Variants in EIF2B3 observed in about 807,000 individuals in gnomAD.
EIF2B3 encodes eukaryotic translation initiation factor 2B subunit gamma.
A neutral mutation model predicts 54.1 loss-of-function variants in EIF2B3; 20 were observed. The observed-to-expected ratio is 0.37, with a 90% CI of 0.26 to 0.54. EIF2B3 has a LOEUF of 0.54. Ranked by LOEUF, EIF2B3 falls within the 20% of genes least tolerant of loss-of-function variation. The pLI, the probability that EIF2B3 is intolerant of heterozygous loss-of-function variation, is 0.86. For synonymous variants in EIF2B3, 153 were observed against 188.1 expected (o/e 0.81, Z 1.52); for missense variants, 448 against 547.8 (o/e 0.82, Z 1.82).
chr1:44,879,881 G>A lies in EIF2B3; in HGVS notation c.912C>T (p.Ile304=). Residue 304 remains isoleucine (I), a synonymous_variant, in exon 8 of 12, where the codon ATC becomes ATT. Transcript: ENST00000360403. ...SRSQVRCYVH[I]MKEGLCSRVS... is the part of the protein sequence containing the mutation. The stretch of plus-strand genomic sequence containing the variant: ...CTCGAGAGCAGAGCCCCTCTTTCAT[G>A]ATGTGGACATAGCAGCGCACCTGTG... 6.2e-7 allele frequency: 1 copy of A among 1,614,180 alleles called. No homozygotes were observed. Among genetic ancestry groups the A allele is most frequent in the Non-Finnish European group, 8.5e-7 (1 of 1,180,052 alleles).
chr1:44,939,163 A>C (rs1051749634), intron 4 of EIF2B3, among the ~76,000 whole-genome samples: 1 of 151,764 alleles, frequency 6.6e-6, no homozygotes, highest in African/African-American at 2.4e-5. Flanking sequence ...TAAAACATTA[A>C]TCTAATCTAA....
chr1:44,925,172 T>A (rs1164087369), intron 5 of EIF2B3: 1 of 152,158 alleles, frequency 6.6e-6, no homozygotes, highest in Non-Finnish European at 1.5e-5. Context: ...GATCCAGTAA[T>A]CCCACTTCTA....
chr1:44,942,597 T>C (rs74319041), intron 3 of EIF2B3, among the ~76,000 whole-genome samples: 10,783 of 147,074 alleles, frequency 0.073, 659 homozygotes, highest in Admixed American at 0.19. Flanking sequence ...TTGGCTAATT[T>C]TTACATTTTT....
At chr1:44,960,391 G>C (rs1644271510) in intron 3 of EIF2B3, among the ~76,000 whole-genome samples, 1 of 152,160 alleles carries the variant, frequency 6.6e-6, no homozygotes, top group African/African-American at 2.4e-5. Context: ...TGTAATCCCA[G>C]CACTTTGGGA....
Position 44,876,313 on chromosome 1 carries a change from C to T in EIF2B3, c.976-618G>A, listed in dbSNP as rs373497844. ...CTAGGAAGTGAGGAGCGTCTCTGCC[C>T]GGCCGCCCATAGTCTGGGATGTGGG... On this transcript the variant is annotated intron_variant, in intron 8 of 11. Coordinates refer to ENST00000360403, the MANE Select transcript of EIF2B3 (RefSeq NM_020365.5). Among the ~76,000 whole-genome samples the T allele has an allele frequency of 4.5e-4, 67 of 149,530 alleles. 1 individual carries two copies. In the East Asian group the frequency reaches 0.012, roughly 26 times the overall value.
At chr1:44,985,894 CTG>C (rs1385186536) in intron 1 of EIF2B3, among the ~76,000 whole-genome samples, 2 of 152,170 alleles carry the variant, frequency 1.3e-5, no homozygotes, top group Non-Finnish European at 2.9e-5. Flanking sequence ...GATAAGAAAA[CTG>C]TATCAGAATT....
chr1:44,926,226 TC>T (rs1643847639), intron 5 of EIF2B3, among the ~76,000 whole-genome samples: 2 of 151,964 alleles, frequency 1.3e-5, no homozygotes, highest in Admixed American at 6.6e-5. Context: ...AGACTCAGTC[TC>T]AAAAAACTTA....
chr1:44,941,422 A>G, intron 4 of EIF2B3, 84 bp downstream of exon 4: 1 of 1,470,240 alleles, frequency 6.8e-7, no homozygotes, highest in Admixed American at 2.2e-5. Context: ...GTAGATTCTT[A>G]ATAAATGTTT....
chr1:44,862,141 T>A (rs1478152923), intron 10 of EIF2B3, among the ~76,000 whole-genome samples: 1 of 152,190 alleles, frequency 6.6e-6, no homozygotes, highest in African/African-American at 2.4e-5. Context: ...GTTCCTATAG[T>A]CCAACAAAAG....
intron 3 of EIF2B3, among the ~76,000 whole-genome samples, chr1:44,965,733 G>A (rs1012657849): frequency 4.1e-5 from 6 of 145,104 alleles, no homozygotes; most frequent in African/African-American, 1.0e-4. Flanking sequence ...TCTGCCTCCC[G>A]GGTTCAAGCG....
chr1:44,956,488 T>TA (rs11430877), intron 3 of EIF2B3, among the ~76,000 whole-genome samples: 38,064 of 150,522 alleles, frequency 0.25, 6,005 homozygotes, highest in African/African-American at 0.46. Context: ...ACTTAAAGTA[T>TA]AAAAAAAAAT....
rs72885214 is a variant in EIF2B3 at position 44,883,771 on chromosome 1, G to A, written c.657-2032C>T. 7.2e-3 allele frequency among the ~76,000 whole-genome samples: 1,103 copies of A among 152,146 alleles called. 15 individuals are homozygous for A. The highest frequency in any genetic ancestry group is 0.025 in the African/African-American group (1,053 of 41,494). On this transcript the variant is annotated intron_variant, in intron 6 of 11. Transcript: ENST00000360403. ...CATCTTGATAAATCGTCTCTATCTC[G>A]GCAGCAGGTAAGATGAACCCACTGA... is the stretch of plus-strand genomic sequence containing the variant.
At chr1:44,969,593 A>C (rs542308657) in intron 3 of EIF2B3, among the ~76,000 whole-genome samples, 15 of 152,126 alleles carry the variant, frequency 9.9e-5, no homozygotes, top group Non-Finnish European at 1.9e-4. Flanking sequence ...TTACAGATAA[A>C]ATTATATGTC....
chr1:44,878,240 T>C (rs1321588998), intron 8 of EIF2B3, among the ~76,000 whole-genome samples: 1 of 152,140 alleles, frequency 6.6e-6, no homozygotes, highest in Non-Finnish European at 1.5e-5. Context: ...TGAGCCAGGT[T>C]TTCTTCAGGA....
chr1:44,924,790 G>C (rs369916646), intron 5 of EIF2B3, among the ~76,000 whole-genome samples: 1 of 152,086 alleles, frequency 6.6e-6, no homozygotes, highest in East Asian at 1.9e-4. Flanking sequence ...TGGTTATACA[G>C]TTGCATAGTT....
intron 6 of EIF2B3, among the ~76,000 whole-genome samples, chr1:44,895,699 G>C (rs887364706): frequency 6.6e-6 from 1 of 152,050 alleles, no homozygotes; most frequent in Non-Finnish European, 1.5e-5. Flanking sequence ...AAACAATTTA[G>C]GGTAATGGGG....
At chr1:44,855,613 G>A (rs1654409822) in intron 11 of EIF2B3, among the ~76,000 whole-genome samples, 1 of 151,020 alleles carries the variant, frequency 6.6e-6, no homozygotes, top group African/African-American at 2.4e-5. Flanking sequence ...CTGGAGTGTA[G>A]TGGTGCAGTC....
intron 4 of EIF2B3, among the ~76,000 whole-genome samples, chr1:44,941,050 C>G (rs1489672501): frequency 6.6e-6 from 1 of 151,890 alleles, no homozygotes; most frequent in Non-Finnish European, 1.5e-5. Context: ...CCACGCCCAG[C>G]TAATTTTTGT....
At chr1:44,897,229 A>C in intron 6 of EIF2B3, 126 bp downstream of exon 6, 1 of 708,926 alleles carries the variant, frequency 1.4e-6, no homozygotes, top group Non-Finnish European at 2.5e-6. Flanking sequence ...CAAAAATGAG[A>C]ACTAACTGTG....
Sources: allele counts gnomAD v4.1 joint callset (sites outside exome capture counted in the v4.1 genomes callset), GRCh38; gene constraint gnomAD v4.1.1; transcripts MANE v1.5; gene names NCBI Gene and HGNC (gene_info 2026-07-23, HGNC 2026-07-21).